SYCP1: variants seen among roughly 807,000 people sequenced by gnomAD.
The protein encoded by SYCP1 is cancer/testis antigen 8.
Under a neutral mutation model 153.1 loss-of-function variants are expected in SYCP1, and 64 were observed. That is an observed-to-expected ratio of 0.42 (90% CI 0.34 to 0.51). The LOEUF is 0.51. Among genes scored for constraint, SYCP1 ranks in the 20% least tolerant of loss-of-function variants. SYCP1 has a pLI of 0.06. For synonymous variants in SYCP1, 384 were observed against 341.8 expected (o/e 1.12, Z -1.36); for missense variants, 997 against 1,049.0 (o/e 0.95, Z 0.68).
chr1:114,992,139 G>A (rs1166559031), intron 30 of SYCP1, among the ~76,000 whole-genome samples: 1 of 151,744 alleles, frequency 6.6e-6, no homozygotes, highest in African/African-American at 2.4e-5. Flanking sequence ...AAACACTGGT[G>A]AGAGAAATTT....
chr1:114,957,205 C>CA (rs1671498173), intron 27 of SYCP1, among the ~76,000 whole-genome samples: 1 of 152,172 alleles, frequency 6.6e-6, no homozygotes, highest in African/African-American at 2.4e-5. Flanking sequence ...GCTGGGACTA[C>CA]AAGTGACCAC....
chr1:114,871,269 G>A (rs1246002904), intron 8 of SYCP1, among the ~76,000 whole-genome samples: 1 of 151,608 alleles, frequency 6.6e-6, no homozygotes, highest in Admixed American at 6.6e-5. Context: ...CCGGGATCAA[G>A]TGATTCTCGT....
intron 20 of SYCP1, among the ~76,000 whole-genome samples, chr1:114,915,668 T>C (rs1453738544): frequency 6.6e-6 from 1 of 152,198 alleles, no homozygotes. Context: ...TTCAGTCAAA[T>C]AAGGAGTAAG....
rs148948913 is a variant in SYCP1 at position 114,911,577 on chromosome 1, C to T, written c.1524C>T (p.Asn508=). Residue 508 remains asparagine, a synonymous_variant, in exon 18 of 32, where the codon AAC becomes AAT. Transcript: ENST00000369522. ...EVKDLKTELE[N]EKLKNTELTS... is the part of the protein sequence containing the mutation. ...AAGATCTAAAAACTGAGCTTGAAAA[C>T]GAGAAGTATGTTTTCCATTTATCTA... is the stretch of plus-strand genomic sequence containing the variant. The T allele has an allele frequency of 3.4e-4, 498 of 1,483,772 alleles. 1 individual carries two copies. The highest frequency in any genetic ancestry group is 2.4e-3 in the African/African-American group (171 of 70,052). 91.9% of individuals were successfully genotyped at this position (1,483,772 alleles called of 1,614,324 possible).
intron 27 of SYCP1, among the ~76,000 whole-genome samples, chr1:114,951,422 A>T (rs982027308): frequency 2.0e-5 from 3 of 152,214 alleles, no homozygotes; most frequent in African/African-American, 7.2e-5. Flanking sequence ...AAATAATTTG[A>T]AATTGGAATT....
intron 21 of SYCP1, 61 bp from the exon 22 acceptor site, chr1:114,926,217 A>T: frequency 7.9e-7 from 1 of 1,270,058 alleles, no homozygotes; most frequent in Non-Finnish European, 1.0e-6. Flanking sequence ...TATTAGTCTG[A>T]AATTGCCTGT....
intron 23 of SYCP1, among the ~76,000 whole-genome samples, chr1:114,939,692 G>A (rs974659157): frequency 6.6e-6 from 1 of 152,120 alleles, no homozygotes; most frequent in Non-Finnish European, 1.5e-5. Flanking sequence ...ATTATGTCTT[G>A]GTTGGTATTG....
intron 14 of SYCP1, 32 bp downstream of exon 14, chr1:114,886,341 T>A (rs750675695): frequency 4.1e-6 from 6 of 1,455,596 alleles, no homozygotes; most frequent in African/African-American, 1.5e-5. Flanking sequence ...ATACACAAAA[T>A]AAGTGAATAA....
chr1:114,912,823 G>C (rs888386944), intron 18 of SYCP1, among the ~76,000 whole-genome samples: 1 of 151,758 alleles, frequency 6.6e-6, no homozygotes, highest in Non-Finnish European at 1.5e-5. Flanking sequence ...ATTTAGTAAA[G>C]AAAAATTTCA....
chr1:114,857,165 A>AT, intron 3 of SYCP1, 67 bp from the exon 4 acceptor site: 2 of 1,146,128 alleles, frequency 1.7e-6, no homozygotes, highest in Non-Finnish European at 1.2e-6. Context: ...AAAGAGAAAA[A>AT]AGAAAAAAAA....
At chr1:114,990,817 C>T (rs1673865265) in intron 30 of SYCP1, among the ~76,000 whole-genome samples, 1 of 151,724 alleles carries the variant, frequency 6.6e-6, no homozygotes, top group South Asian at 2.1e-4. Flanking sequence ...AATCAAAAAC[C>T]TCAACAAAGA....
intron 16 of SYCP1, among the ~76,000 whole-genome samples, chr1:114,904,826 G>A (rs1667711982): frequency 6.6e-6 from 1 of 152,174 alleles, no homozygotes; most frequent in Non-Finnish European, 1.5e-5. Flanking sequence ...ATTAAGTTAT[G>A]ATGTTACTTG....
intron 27 of SYCP1, among the ~76,000 whole-genome samples, chr1:114,963,924 T>G (rs1303328481): frequency 2.0e-5 from 3 of 152,192 alleles, no homozygotes; most frequent in Non-Finnish European, 4.4e-5. Flanking sequence ...GTATTTCTGG[T>G]TCTAGATCCT....
In SYCP1 at chr1:114,928,168, TAAAAC is replaced by T. The variant is rs1205392811; in HGVS notation, c.1926+1609_1926+1613del. Among the ~76,000 whole-genome samples, 4 of 152,186 alleles carry T rather than the reference TAAAAC, an allele frequency of 2.6e-5. No homozygotes were observed. The South Asian group carries it at 8.3e-4, about 32-fold the overall frequency. On this transcript the variant is annotated intron_variant, in intron 23 of 31. Transcript: ENST00000369522. ...AAATTTCTCAAAAATTTATCACACT[TAAAAC>T]AAACTTGCAGATCCATGGCCCTCAG...
chr1:114,858,491 T>C, intron 5 of SYCP1, 56 bp from the exon 6 acceptor site: 2 of 1,426,852 alleles, frequency 1.4e-6, no homozygotes, highest in African/African-American at 2.9e-5. Context: ...TAGGCAGCTG[T>C]AGTTTGGTTA....
At chr1:114,919,571 G>A (rs1668728177) in intron 20 of SYCP1, among the ~76,000 whole-genome samples, 1 of 151,942 alleles carries the variant, frequency 6.6e-6, no homozygotes, top group Non-Finnish European at 1.5e-5. Context: ...AGTTTCTGTA[G>A]GATTGATATT....
chr1:114,917,386 C>T (rs1488046904), intron 20 of SYCP1, among the ~76,000 whole-genome samples: 2 of 152,134 alleles, frequency 1.3e-5, no homozygotes, highest in African/African-American at 4.8e-5. Context: ...GTTATCCATT[C>T]ACCTGTTGAT....
rs370979528 is a variant in SYCP1 at position 114,859,727 on chromosome 1, C to T, written c.457-16C>T. On this transcript the variant is annotated splice_polypyrimidine_tract_variant and intron_variant, in intron 6 of 31. Coordinates refer to ENST00000369522, the MANE Select transcript of SYCP1 (RefSeq NM_003176.4). ...AATAAGCAAAATGGGATGAACTTTT[C>T]TGTTTTATAAATTAGTTTGGAAATG... 1.5e-4 allele frequency: 148 copies of T among 988,370 alleles called. No individual in the cohort carries two copies. In the African/African-American group the frequency reaches 2.3e-3, roughly 15 times the overall value. 61.2% of individuals were successfully genotyped at this position (988,370 alleles called of 1,614,324 possible). A position where few individuals can be genotyped will look rare whatever the true frequency, so the allele number is the denominator to read the frequency against.
chr1:114,894,060 C>T (rs1666905393), intron 15 of SYCP1, among the ~76,000 whole-genome samples: 1 of 149,810 alleles, frequency 6.7e-6, no homozygotes, highest in African/African-American at 2.5e-5. Context: ...TATTTTTTCT[C>T]GTACTTTTTT....
Sources: allele counts gnomAD v4.1 joint callset (sites outside exome capture counted in the v4.1 genomes callset), GRCh38; gene constraint gnomAD v4.1.1; transcripts MANE v1.5; gene names NCBI Gene and HGNC (gene_info 2026-07-23, HGNC 2026-07-21).